ATP8B4: variants seen among roughly 807,000 people sequenced by gnomAD.
ATP8B4 encodes probable phospholipid-transporting ATPase IM.
ATP8B4 carries 133 observed loss-of-function variants against 145.6 expected under a neutral mutation model. That is an observed-to-expected ratio of 0.91 (90% CI 0.79 to 1.05). The LOEUF (loss-of-function observed/expected upper bound fraction) is 1.05, where lower values mean the gene tolerates loss of function less well. Ranked by LOEUF, ATP8B4 falls within the 50% of genes least tolerant of loss-of-function variation. ATP8B4 has a pLI of 0.00. For missense variants in ATP8B4, 1,458 were observed against 1,425.2 expected, an observed-to-expected ratio of 1.02 and a Z score of -0.37; for synonymous variants, 507 against 492.9, an observed-to-expected ratio of 1.03 and a Z score of -0.38.
At chr15:50,073,496 G>A (rs1170675803) in intron 3 of ATP8B4, among the ~76,000 whole-genome samples, 2 of 152,104 alleles carry the variant, frequency 1.3e-5, no homozygotes, top group Admixed American at 1.3e-4. Context: ...CAAATCATGG[G>A]CATTTAGGTT....
chr15:50,097,905 C>T (rs909987261), intron 2 of ATP8B4, among the ~76,000 whole-genome samples: 2 of 152,154 alleles, frequency 1.3e-5, no homozygotes, highest in Non-Finnish European at 2.9e-5. Flanking sequence ...TTTCATTTTA[C>T]GTTCATGCTC....
intron 14 of ATP8B4, among the ~76,000 whole-genome samples, chr15:49,939,349 C>A (rs1246553559): frequency 6.6e-6 from 1 of 151,512 alleles, no homozygotes; most frequent in Non-Finnish European, 1.5e-5. Context: ...GATTGATAGA[C>A]CACTAGCAAG....
Position 49,931,174 on chromosome 15 carries a change from A to G in ATP8B4, c.1587T>C (p.Tyr529=). 6.2e-7 allele frequency: 1 copy of G among 1,612,600 alleles called. No homozygotes were observed. The highest frequency in any genetic ancestry group is 1.1e-5 in the South Asian group (1 of 90,976). The change falls in exon 16 of 28, where the codon TAT becomes TAC. Residue 529 remains tyrosine, a synonymous_variant. Coordinates refer to ENST00000284509, the MANE Select transcript of ATP8B4 (RefSeq NM_024837.4). The part of the protein sequence containing the change: ...TIEELGTLVT[Y]QLLAFLDFNN... ...TGAAATCCAAAAAGGCAAGTAATTG[A>G]TAAGTAACTAGTGTTCCCAATTCTT...
chr15:50,141,030 G>A (rs1463427941), intron 1 of ATP8B4, among the ~76,000 whole-genome samples: 1 of 152,108 alleles, frequency 6.6e-6, no homozygotes, highest in Non-Finnish European at 1.5e-5. Flanking sequence ...GTTGGTCAGA[G>A]ATCCCCACCC....
chr15:49,964,005 T>C (rs1256686230), intron 13 of ATP8B4, among the ~76,000 whole-genome samples: 1 of 152,206 alleles, frequency 6.6e-6, no homozygotes, highest in East Asian at 1.9e-4. Flanking sequence ...CATTTCTGTT[T>C]TATGGATAAG....
chr15:49,870,463 T>C (rs1183329161), intron 25 of ATP8B4, among the ~76,000 whole-genome samples: 1 of 152,190 alleles, frequency 6.6e-6, no homozygotes, highest in African/African-American at 2.4e-5. Flanking sequence ...TGAAAAATAC[T>C]TTTTTAAAAA....
intron 13 of ATP8B4, among the ~76,000 whole-genome samples, chr15:49,965,974 C>T (rs1288530682): frequency 6.6e-6 from 1 of 152,106 alleles, no homozygotes. Context: ...GAAGGGCAAG[C>T]AGAAATAGGG....
At chr15:50,154,252 T>G (rs1259512071) in intron 1 of ATP8B4, among the ~76,000 whole-genome samples, 2 of 152,172 alleles carry the variant, frequency 1.3e-5, no homozygotes, top group Non-Finnish European at 2.9e-5. Context: ...TATTATCTTT[T>G]CTTTTTAACA....
Position 49,966,484 on chromosome 15 carries a change from C to T in ATP8B4, c.1244-4464G>A, listed in dbSNP as rs554719293. 3.9e-5 allele frequency among the ~76,000 whole-genome samples: 6 copies of T among 152,324 alleles called. No homozygotes were observed. In the South Asian group the frequency reaches 1.0e-3, roughly 26 times the overall value. ...GCTTGAGTAGGCAGTTTTCCCCTCA[C>T]GGTGTAAACAAAGCCAGGATGTTCA... On this transcript the variant is annotated intron_variant, in intron 13 of 27. Coordinates refer to ENST00000284509, the MANE Select transcript of ATP8B4 (RefSeq NM_024837.4).
At chr15:49,880,058 C>T (rs1030397890) in intron 23 of ATP8B4, 1 of 152,224 alleles carries the variant, frequency 6.6e-6, no homozygotes, top group African/African-American at 2.4e-5. Flanking sequence ...GCATGTGAAG[C>T]AGGCATATAT....
At chr15:49,945,630 C>T (rs2042501037) in intron 14 of ATP8B4, among the ~76,000 whole-genome samples, 1 of 152,090 alleles carries the variant, frequency 6.6e-6, no homozygotes, top group Admixed American at 6.5e-5. Context: ...AATTGAATCA[C>T]ATTAAAAGGA....
intron 3 of ATP8B4, among the ~76,000 whole-genome samples, chr15:50,067,422 A>G (rs898473451): frequency 1.3e-5 from 2 of 152,274 alleles, no homozygotes; most frequent in Middle Eastern, 3.4e-3. Flanking sequence ...GTCTGACTAC[A>G]GGCTTTTGCT....
chr15:50,149,145 A>G (rs183741753), intron 1 of ATP8B4, among the ~76,000 whole-genome samples: 74 of 152,342 alleles, frequency 4.9e-4, no homozygotes, highest in Non-Finnish European at 8.2e-4. Flanking sequence ...AGTTGAGAAC[A>G]TTGTGTTAAG....
At chr15:49,908,402 AAAG>A (rs1408009021) in intron 20 of ATP8B4, among the ~76,000 whole-genome samples, 4 of 152,156 alleles carry the variant, frequency 2.6e-5, no homozygotes, top group South Asian at 2.1e-4. Context: ...GAAACACCTA[AAAG>A]AAGAAGAGGG....
At chr15:50,096,265 C>A (rs2055980782) in intron 2 of ATP8B4, among the ~76,000 whole-genome samples, 1 of 152,142 alleles carries the variant, frequency 6.6e-6, no homozygotes, top group Admixed American at 6.6e-5. Context: ...AGCCGCTCTC[C>A]CCTAATTCCA....
intron 1 of ATP8B4, among the ~76,000 whole-genome samples, chr15:50,145,156 A>G (rs2153680243): frequency 1.3e-5 from 2 of 152,334 alleles, no homozygotes; most frequent in South Asian, 4.1e-4. Context: ...ACTACTTTTT[A>G]CTTGTTTTAA....
chr15:49,937,207 C>T (rs1002498517), intron 14 of ATP8B4, among the ~76,000 whole-genome samples: 2 of 152,100 alleles, frequency 1.3e-5, no homozygotes, highest in Admixed American at 6.6e-5. Flanking sequence ...CAAGACTGAG[C>T]GAACTCTACA....
chr15:50,072,921 C>CCT (rs1207432427), intron 3 of ATP8B4, among the ~76,000 whole-genome samples: 12 of 27,290 alleles, frequency 4.4e-4, no homozygotes, highest in African/African-American at 8.7e-4. Context: ...CTGTGCCCGG[C>CCT]CTCTCTCTCT....
chr15:49,992,039 G>A (rs2047082260), intron 9 of ATP8B4, among the ~76,000 whole-genome samples: 1 of 152,136 alleles, frequency 6.6e-6, no homozygotes, highest in Non-Finnish European at 1.5e-5. Context: ...TTTGCCAGAA[G>A]TCCAGGGTTC....
Sources: gnomAD v4.1 joint callset for allele counts (sites outside exome capture counted in the v4.1 genomes callset) on GRCh38, gnomAD v4.1.1 for gene constraint, MANE v1.5 for transcripts, NCBI Gene and HGNC (gene_info 2026-07-23, HGNC 2026-07-21) for gene names.